Variants in TRPM3 observed in about 807,000 individuals in gnomAD.
The protein encoded by TRPM3 is transient receptor potential cation channel subfamily M member 3.
A neutral mutation model predicts 181.2 loss-of-function variants in TRPM3; 77 were observed. That is an observed-to-expected ratio of 0.42 (90% CI 0.35 to 0.51). TRPM3 has a LOEUF of 0.51. TRPM3 is among the 20% of genes least tolerant of loss of function. TRPM3 has a pLI of 0.01. For synonymous variants in TRPM3, 745 were observed against 796.4 expected (o/e 0.94, Z 1.09); for missense variants, 1,759 against 2,196.7 (o/e 0.80, Z 3.98).
chr9:70,602,795 G>T (rs1040464678), intron 20 of TRPM3, among the ~76,000 whole-genome samples: 1 of 152,184 alleles, frequency 6.6e-6, no homozygotes, highest in African/African-American at 2.4e-5. Flanking sequence ...GAGGGACCCT[G>T]CACTCACAAC....
chr9:71,007,711 T>C (rs916687330), intron 1 of TRPM3, among the ~76,000 whole-genome samples: 4 of 152,102 alleles, frequency 2.6e-5, no homozygotes, highest in African/African-American at 7.2e-5. Context: ...TTTTGCTGTA[T>C]GGAATACAGC....
At chr9:70,655,305 CAAAAAAAAAAA>C (rs1169901529) in intron 9 of TRPM3, among the ~76,000 whole-genome samples, 4 of 33,186 alleles carry the variant, frequency 1.2e-4, no homozygotes, top group South Asian at 2.1e-3. Context: ...GACTCCGTCT[CAAAAAAAAAAA>C]AAAAAAAAAA....
intron 1 of TRPM3, among the ~76,000 whole-genome samples, chr9:71,294,865 A>G (rs13300497): frequency 0.28 from 42,028 of 152,040 alleles, 6,323 homozygotes; most frequent in African/African-American, 0.41. Context: ...ACAAATCACA[A>G]AACAATATAC....
intron 1 of TRPM3, among the ~76,000 whole-genome samples, chr9:71,263,117 C>T (rs2083174109): frequency 6.6e-6 from 1 of 152,122 alleles, no homozygotes; most frequent in Admixed American, 6.6e-5. Context: ...CACTGACCAC[C>T]ATTATTTTTA....
Position 71,330,213 on chromosome 9 carries a change from T to C in TRPM3, c.183+116440A>G, listed in dbSNP as rs539811113. Among the ~76,000 whole-genome samples the C allele has an allele frequency of 5.7e-4, 86 of 151,960 alleles. 1 individual carries two copies. Among genetic ancestry groups the C allele is most frequent in the Admixed American group, 8.5e-4 (13 of 15,258 alleles). ...TAATCTTGGCTAATTAGAGCAGAAATTGCAGTCTGAATCTGTGAAAAACTA... is the reference window on the plus strand; with the variant it reads ...TAATCTTGGCTAATTAGAGCAGAAACTGCAGTCTGAATCTGTGAAAAACTA... On this transcript the variant is annotated intron_variant, in intron 1 of 24. Coordinates refer to the TRPM3 transcript ENST00000357533.
chr9:70,848,539 C>T (rs1056452415), intron 3 of TRPM3, among the ~76,000 whole-genome samples: 1 of 152,106 alleles, frequency 6.6e-6, no homozygotes, highest in African/African-American at 2.4e-5. Context: ...ACATACACAT[C>T]ACATGTAACA....
intron 1 of TRPM3, among the ~76,000 whole-genome samples, chr9:70,979,422 G>C (rs1438393407): frequency 6.6e-6 from 1 of 152,190 alleles, no homozygotes; most frequent in Non-Finnish European, 1.5e-5. Flanking sequence ...ATTAGAGGAG[G>C]CAGAGGGGAA....
At chr9:71,222,583 C>T (rs531031239) in intron 1 of TRPM3, among the ~76,000 whole-genome samples, 1 of 152,250 alleles carries the variant, frequency 6.6e-6, no homozygotes, top group Middle Eastern at 3.4e-3. Context: ...AAAAAAGCAC[C>T]CTTCTAAGAA....
intron 1 of TRPM3, among the ~76,000 whole-genome samples, chr9:70,880,995 G>C (rs1047232344): frequency 6.6e-6 from 1 of 152,014 alleles, no homozygotes; most frequent in African/African-American, 2.4e-5. Flanking sequence ...CCTATCTCTT[G>C]TTACTTCACA....
intron 1 of TRPM3, among the ~76,000 whole-genome samples, chr9:71,019,660 T>C (rs1323716241): frequency 6.6e-6 from 1 of 152,096 alleles, no homozygotes; most frequent in African/African-American, 2.4e-5. Flanking sequence ...CTCTGCAAAT[T>C]GACCTATAGA....
intron 9 of TRPM3, among the ~76,000 whole-genome samples, chr9:70,650,204 G>A (rs1204691775): frequency 1.3e-5 from 2 of 152,132 alleles, no homozygotes; most frequent in African/African-American, 4.8e-5. Context: ...TACCCATTGA[G>A]TACTATGCTC....
chr9:70,796,350 A>G (rs1392316953), intron 6 of TRPM3, among the ~76,000 whole-genome samples: 1 of 152,216 alleles, frequency 6.6e-6, no homozygotes, highest in Non-Finnish European at 1.5e-5. Flanking sequence ...TGCTGGTGGT[A>G]TGCATGTTAA....
rs147848490 is a variant in TRPM3, at chr9:71,270,858, G to A, written c.183+175795C>T. On this transcript the variant is annotated intron_variant, in intron 1 of 24. Coordinates refer to the TRPM3 transcript ENST00000357533. ...TGTTTTGGGGAAAACCAGTCAACAT[G>A]TCATGAAGACACTCATAAGAATCTT... Among the ~76,000 whole-genome samples, 231 of 152,288 alleles carry A rather than the reference G, an allele frequency of 1.5e-3. 1 individual carries two copies. Among genetic ancestry groups the A allele is most frequent in the African/African-American group, 5.4e-3 (226 of 41,570 alleles).
Position 70,591,225 on chromosome 9 carries a change from G to A in TRPM3, c.3049-20C>T. ...TATCATCTGGAAGGGTGGGGAAGCA[G>A]AGGGAGAAACAAGAGAAAACCCATA... is the stretch of plus-strand genomic sequence containing the variant. On this transcript the variant is annotated intron_variant, in intron 21 of 25. Coordinates refer to ENST00000677713, the MANE Select transcript of TRPM3 (RefSeq NM_001366145.2). 2 of 1,606,450 alleles carry A rather than the reference G, an allele frequency of 1.2e-6. No individual in the cohort carries two copies. Among genetic ancestry groups the A allele is most frequent in the Non-Finnish European group, 8.5e-7 (1 of 1,173,214 alleles).
intron 1 of TRPM3, among the ~76,000 whole-genome samples, chr9:71,307,684 T>A (rs2087491973): frequency 6.6e-6 from 1 of 152,164 alleles, no homozygotes; most frequent in African/African-American, 2.4e-5. Flanking sequence ...ATTTCAAAGT[T>A]CCATCTTGGA....
At chr9:71,134,028 CGCGCGT>C (rs1565261451) in intron 1 of TRPM3, among the ~76,000 whole-genome samples, 1 of 150,124 alleles carries the variant, frequency 6.7e-6, no homozygotes, top group Non-Finnish European at 1.5e-5. Context: ...CGTGCGCGCG[CGCGCGT>C]GTCTGTGTTT....
At chr9:70,833,285 G>A (rs1158475035) in intron 5 of TRPM3, among the ~76,000 whole-genome samples, 2 of 152,126 alleles carry the variant, frequency 1.3e-5, no homozygotes, top group Admixed American at 1.3e-4. Context: ...GAATTGAATT[G>A]GACTACGTCA....
chr9:71,229,370 G>C (rs112663148), intron 1 of TRPM3, among the ~76,000 whole-genome samples: 1,541 of 152,198 alleles, frequency 0.01, 25 homozygotes, highest in African/African-American at 0.035. Context: ...ACCACTCAAA[G>C]AAAACTTTGG....
intron 9 of TRPM3, among the ~76,000 whole-genome samples, chr9:70,659,605 T>C (rs533226356): frequency 2.0e-4 from 31 of 152,290 alleles, no homozygotes; most frequent in African/African-American, 7.0e-4. Flanking sequence ...AATAGGAAAC[T>C]GGAGAAAAAT....
Sources: gnomAD v4.1 joint callset for allele counts (sites outside exome capture counted in the v4.1 genomes callset) on GRCh38, gnomAD v4.1.1 for gene constraint, MANE v1.5 for transcripts, NCBI Gene and HGNC (gene_info 2026-07-23, HGNC 2026-07-21) for gene names.